Variants in LRRC52 observed in about 807,000 individuals in gnomAD.
LRRC52 encodes leucine rich repeat containing 52.
LRRC52 carries 15 observed loss-of-function variants against 14.7 expected under a neutral mutation model. That is an observed-to-expected ratio of 1.02 (90% CI 0.68 to 1.58). LRRC52 has a LOEUF of 1.58. Among genes scored for constraint, LRRC52 ranks in the 40% most tolerant of loss-of-function variants. LRRC52 has a pLI of 0.00. For missense variants in LRRC52, 400 were observed against 387.7 expected, an observed-to-expected ratio of 1.03 and a Z score of -0.27; for synonymous variants, 180 against 163.9, an observed-to-expected ratio of 1.10 and a Z score of -0.75.
rs1264041609 is a variant in LRRC52 at position 165,544,576 on chromosome 1, G to T, written c.280G>T (p.Asp94Tyr). ...CQNNRIREVM[D>Y]YTFIGVFKLI... ...GAACAACCGGATTCGAGAGGTGATG[G>T]ATTATACCTTCATCGGGGTCTTCAA... is the stretch of plus-strand genomic sequence containing the variant. Residue 94 changes from aspartate (D) to tyrosine (Y), a missense_variant, in exon 1 of 2, where the codon GAT (aspartate) becomes TAT (tyrosine). Physicochemically the swap from Asp to Tyr is radical, Grantham distance 160. Coordinates refer to ENST00000294818, the MANE Select transcript of LRRC52 (RefSeq NM_001005214.4). The T allele has an allele frequency of 6.2e-7, 1 of 1,613,876 alleles. No individual in the cohort carries two copies. Among genetic ancestry groups the T allele is most frequent in the Non-Finnish European group, 8.5e-7 (1 of 1,179,992 alleles).
chr1:165,545,329 G>A (rs1660998484), intron 1 of LRRC52, among the ~76,000 whole-genome samples: 1 of 152,140 alleles, frequency 6.6e-6, no homozygotes, highest in Non-Finnish European at 1.5e-5. Flanking sequence ...TTGGTAAACT[G>A]TTTTAATCTG....
At chr1:165,551,301 C>T (rs1034303238) in intron 1 of LRRC52, among the ~76,000 whole-genome samples, 19 of 152,186 alleles carry the variant, frequency 1.2e-4, no homozygotes, top group Non-Finnish European at 1.9e-4. Context: ...GTCCTATGCC[C>T]TGAGGTTCTG....
At chr1:165,560,238 G>A (rs1661315658) in intron 1 of LRRC52, among the ~76,000 whole-genome samples, 1 of 152,194 alleles carries the variant, frequency 6.6e-6, no homozygotes, top group Non-Finnish European at 1.5e-5. Context: ...CATGGAAAAT[G>A]TACCAAAATT....
intron 1 of LRRC52, among the ~76,000 whole-genome samples, chr1:165,546,206 G>C (rs1661017215): frequency 9.0e-6 from 1 of 110,594 alleles, no homozygotes; most frequent in African/African-American, 3.3e-5. Flanking sequence ...AATTTAAGGA[G>C]GCACTGAGAG....
At chr1:165,549,699 G>A (rs1452605499) in intron 1 of LRRC52, among the ~76,000 whole-genome samples, 1 of 152,134 alleles carries the variant, frequency 6.6e-6, no homozygotes, top group Non-Finnish European at 1.5e-5. Flanking sequence ...AAGACATGAG[G>A]GCAATATCAT....
chr1:165,544,689 C>T lies in LRRC52; in HGVS notation c.393C>T (p.Asn131=), dbSNP rs1660980408. ...FSVLSNLVQL[N]IANNPHLLSL... ...TGCTCAGCAACCTGGTGCAGCTGAACATTGCCAACAACCCTCACCTGTTAT... is the reference window on the plus strand; with the variant it reads ...TGCTCAGCAACCTGGTGCAGCTGAATATTGCCAACAACCCTCACCTGTTAT... Residue 131 remains asparagine (N), a synonymous_variant, in exon 1 of 2, where the codon AAC becomes AAT. Transcript: ENST00000294818. The T allele has an allele frequency of 6.2e-7, 1 of 1,614,002 alleles. No homozygotes were observed. The highest frequency in any genetic ancestry group is 1.3e-5 in the African/African-American group (1 of 74,914).
chr1:165,561,029 G>C (rs1347450384), intron 1 of LRRC52, among the ~76,000 whole-genome samples: 4 of 152,102 alleles, frequency 2.6e-5, no homozygotes, highest in Non-Finnish European at 5.9e-5. Flanking sequence ...GGAAACAATG[G>C]AGATAGGGAG....
At chr1:165,562,639 A>G (rs1351623449) in intron 1 of LRRC52, among the ~76,000 whole-genome samples, 1 of 150,856 alleles carries the variant, frequency 6.6e-6, no homozygotes, top group Non-Finnish European at 1.5e-5. Context: ...TTAGCAAGTA[A>G]CAGAATCTGG....
At chr1:165,554,089 C>T (rs570112374) in intron 1 of LRRC52, among the ~76,000 whole-genome samples, 2 of 152,272 alleles carry the variant, frequency 1.3e-5, no homozygotes, top group South Asian at 4.1e-4. Context: ...CCCAAGTCCT[C>T]ATGTGCAAAA....
At chr1:165,558,496 G>T (rs1440460782) in intron 1 of LRRC52, among the ~76,000 whole-genome samples, 1 of 152,132 alleles carries the variant, frequency 6.6e-6, no homozygotes, top group African/African-American at 2.4e-5. Flanking sequence ...CTACCCTGTG[G>T]GGTGATCAAA....
At chr1:165,551,229 C>T (rs556156938) in intron 1 of LRRC52, among the ~76,000 whole-genome samples, 6 of 152,312 alleles carry the variant, frequency 3.9e-5, no homozygotes, top group Middle Eastern at 6.8e-3. Context: ...CCCAGACTTT[C>T]CTCCCAGGCC....
At chr1:165,554,426 G>GGTTGTC (rs1661192865) in intron 1 of LRRC52, among the ~76,000 whole-genome samples, 1 of 150,476 alleles carries the variant, frequency 6.6e-6, no homozygotes, top group Non-Finnish European at 1.5e-5. Flanking sequence ...AATGATAGGT[G>GGTTGTC]GTTGTTGTTG....
intron 1 of LRRC52, among the ~76,000 whole-genome samples, chr1:165,561,428 A>G (rs1453219168): frequency 6.6e-6 from 1 of 152,172 alleles, no homozygotes; most frequent in Non-Finnish European, 1.5e-5. Flanking sequence ...CTCTCTCGAT[A>G]GAATTCCTGG....
chr1:165,545,756 C>T (rs191649791), intron 1 of LRRC52, among the ~76,000 whole-genome samples: 4 of 152,222 alleles, frequency 2.6e-5, no homozygotes, highest in African/African-American at 4.8e-5. Flanking sequence ...CATCCTTACC[C>T]TCCAATTCTT....
intron 1 of LRRC52, among the ~76,000 whole-genome samples, chr1:165,560,876 A>G (rs977345402): frequency 1.3e-5 from 2 of 152,148 alleles, no homozygotes; most frequent in African/African-American, 4.8e-5. Context: ...GGGGCTCTGA[A>G]TGCCAGGCCA....
At chr1:165,552,986 A>G (rs1661164601) in intron 1 of LRRC52, among the ~76,000 whole-genome samples, 1 of 152,212 alleles carries the variant, frequency 6.6e-6, no homozygotes, top group Non-Finnish European at 1.5e-5. Flanking sequence ...TCTTGACCTT[A>G]CTGAGTGGGA....
At chr1:165,551,123 G>A (rs113230456) in intron 1 of LRRC52, among the ~76,000 whole-genome samples, 1 of 152,168 alleles carries the variant, frequency 6.6e-6, no homozygotes, top group African/African-American at 2.4e-5. Flanking sequence ...GTTCATTTAA[G>A]AAACAGATGC....
intron 1 of LRRC52, among the ~76,000 whole-genome samples, chr1:165,562,604 C>T (rs867849777): frequency 2.6e-5 from 4 of 151,814 alleles, no homozygotes; most frequent in East Asian, 2.0e-4. Context: ...AGACAGAATC[C>T]GGTATCCTGC....
chr1:165,548,366 CT>C (rs1661065538), intron 1 of LRRC52, among the ~76,000 whole-genome samples: 1 of 150,204 alleles, frequency 6.7e-6, no homozygotes, highest in Admixed American at 6.6e-5. Context: ...CAAACAAGTG[CT>C]CATGAAGGTA....
Sources: allele counts gnomAD v4.1 joint callset (sites outside exome capture counted in the v4.1 genomes callset), GRCh38; gene constraint gnomAD v4.1.1; transcripts MANE v1.5; gene names NCBI Gene and HGNC (gene_info 2026-07-23, HGNC 2026-07-21).